The following LMX1A variants were observed in gnomAD, a reference collection of about 807,000 sequenced individuals.
LMX1A encodes the protein LIM homeobox transcription factor 1-alpha.
LMX1A carries 15 observed loss-of-function variants against 49.1 expected under a neutral mutation model. That is an observed-to-expected ratio of 0.31 (90% CI 0.20 to 0.47). The LOEUF (loss-of-function observed/expected upper bound fraction) is 0.47. LMX1A is among the 20% of genes least tolerant of loss of function. The pLI, the probability that LMX1A is intolerant of heterozygous loss-of-function variation, is 1.00. For missense variants in LMX1A, 372 were observed against 475.8 expected, an observed-to-expected ratio of 0.78 and a Z score of 2.03; for synonymous variants, 167 against 185.7, an observed-to-expected ratio of 0.90 and a Z score of 0.82.
chr1:165,255,282 C>T (rs1653196899), intron 3 of LMX1A, among the ~76,000 whole-genome samples: 1 of 152,232 alleles, frequency 6.6e-6, no homozygotes, highest in African/African-American at 2.4e-5. Flanking sequence ...TCTTCTTTCT[C>T]CCTGCACCTC....
intron 4 of LMX1A, among the ~76,000 whole-genome samples, chr1:165,248,850 C>T (rs1300904815): frequency 6.6e-6 from 1 of 152,172 alleles, no homozygotes; most frequent in Non-Finnish European, 1.5e-5. Context: ...TATTTCTCCT[C>T]CTCTTGACTT....
At chr1:165,204,757 C>A (rs1269405993) in intron 8 of LMX1A, among the ~76,000 whole-genome samples, 1 of 152,182 alleles carries the variant, frequency 6.6e-6, no homozygotes, top group Non-Finnish European at 1.5e-5. Context: ...CTTCATGTAA[C>A]ACAATCCCTG....
chr1:165,278,631 G>T (rs1388052433), intron 3 of LMX1A, among the ~76,000 whole-genome samples: 1 of 152,044 alleles, frequency 6.6e-6, no homozygotes, highest in Non-Finnish European at 1.5e-5. Flanking sequence ...TAAACCCCGG[G>T]GACAGCCCAC....
chr1:165,244,419 C>T (rs79780271), intron 4 of LMX1A, among the ~76,000 whole-genome samples: 3,252 of 152,040 alleles, frequency 0.021, 120 homozygotes, highest in African/African-American at 0.074. Flanking sequence ...GCCTCTTAAG[C>T]GGGGTGGGGT....
intron 5 of LMX1A, among the ~76,000 whole-genome samples, chr1:165,212,048 AT>A (rs1372158385): frequency 1.3e-5 from 2 of 152,206 alleles, no homozygotes; most frequent in Non-Finnish European, 2.9e-5. Flanking sequence ...TGCAAGCCCA[AT>A]TTGGGGGCAT....
chr1:165,354,515 C>A (rs963830284), intron 2 of LMX1A, among the ~76,000 whole-genome samples: 1 of 152,076 alleles, frequency 6.6e-6, no homozygotes, highest in Admixed American at 6.5e-5. Context: ...CGAGGCTGGG[C>A]AAGTCCAAAA....
In LMX1A at chr1:165,334,582, A is replaced by G. The variant is rs534114068; in HGVS notation, c.263+18494T>C. ...TCTGACTCTCACATACCCTGCCACT[A>G]TTTCAAAACTAAACATACATAATCA... On this transcript the variant is annotated intron_variant, in intron 3 of 8. Coordinates refer to ENST00000342310, the MANE Select transcript of LMX1A (RefSeq NM_177398.4). Among the ~76,000 whole-genome samples the G allele has an allele frequency of 1.8e-4, 27 of 152,320 alleles. No homozygotes were observed. In the South Asian group the frequency reaches 4.8e-3, roughly 27 times the overall value.
At chr1:165,255,959 C>T (rs1029252402) in intron 3 of LMX1A, among the ~76,000 whole-genome samples, 6 of 151,272 alleles carry the variant, frequency 4.0e-5, no homozygotes, top group East Asian at 3.9e-4. Flanking sequence ...GCAACAAGAG[C>T]GAAACTCCGT....
At chr1:165,326,588 T>C (rs1253525919) in intron 3 of LMX1A, among the ~76,000 whole-genome samples, 1 of 152,212 alleles carries the variant, frequency 6.6e-6, no homozygotes, top group Admixed American at 6.5e-5. Flanking sequence ...CAAAGTCAAG[T>C]GTGCCTGGGC....
intron 4 of LMX1A, among the ~76,000 whole-genome samples, chr1:165,215,413 C>T (rs1249013279): frequency 1.3e-5 from 2 of 152,186 alleles, no homozygotes; most frequent in East Asian, 1.9e-4. Flanking sequence ...AGCTCAACTG[C>T]CCTCTTTTCT....
chr1:165,349,806 GA>G (rs944251261), intron 3 of LMX1A, among the ~76,000 whole-genome samples: 3 of 152,130 alleles, frequency 2.0e-5, no homozygotes, highest in African/African-American at 7.2e-5. Flanking sequence ...CTAGTTGAGA[GA>G]ATGAAATTTT....
At chr1:165,271,615 G>A (rs1463263032) in intron 3 of LMX1A, among the ~76,000 whole-genome samples, 1 of 152,138 alleles carries the variant, frequency 6.6e-6, no homozygotes, top group African/African-American at 2.4e-5. Context: ...TGGACCAAGA[G>A]CACAGGTCTT....
At chr1:165,313,471 C>CTTTTTTT (rs34912339) in intron 3 of LMX1A, among the ~76,000 whole-genome samples, 669 of 114,100 alleles carry the variant, frequency 5.9e-3, no homozygotes, top group Non-Finnish European at 8.7e-3. Flanking sequence ...CACCTTCTTC[C>CTTTTTTT]TTTTTTTTTT....
intron 3 of LMX1A, among the ~76,000 whole-genome samples, chr1:165,329,170 C>T (rs974091646): frequency 3.3e-5 from 5 of 152,090 alleles, no homozygotes; most frequent in South Asian, 2.1e-4. Flanking sequence ...AGAAAGAGAG[C>T]GTATGTAACA....
intron 3 of LMX1A, among the ~76,000 whole-genome samples, chr1:165,349,447 T>C (rs1375424945): frequency 6.6e-6 from 1 of 152,244 alleles, no homozygotes; most frequent in Non-Finnish European, 1.5e-5. Context: ...CATCTACACC[T>C]ATGGTATCCT....
intron 4 of LMX1A, among the ~76,000 whole-genome samples, chr1:165,217,630 C>A (rs1048917029): frequency 2.0e-5 from 3 of 152,216 alleles, no homozygotes; most frequent in Non-Finnish European, 2.9e-5. Context: ...GCTGGTCCTG[C>A]CTAACCTGGC....
At chr1:165,238,832 G>GT (rs1652540902) in intron 4 of LMX1A, among the ~76,000 whole-genome samples, 1 of 152,170 alleles carries the variant, frequency 6.6e-6, no homozygotes, top group South Asian at 2.1e-4. Flanking sequence ...AATGATGCAG[G>GT]TGCTGGAGCT....
At chr1:165,298,819 A>C (rs1463837154) in intron 3 of LMX1A, among the ~76,000 whole-genome samples, 1 of 152,262 alleles carries the variant, frequency 6.6e-6, no homozygotes, top group Non-Finnish European at 1.5e-5. Flanking sequence ...TAGTGAGTGA[A>C]AGACTGCAGA....
chr1:165,270,702 AT>A (rs1327675411), intron 3 of LMX1A, among the ~76,000 whole-genome samples: 1 of 152,086 alleles, frequency 6.6e-6, no homozygotes, highest in Non-Finnish European at 1.5e-5. Context: ...TTCAGTCTCT[AT>A]TTTATAGGAA....
Sources: allele counts gnomAD v4.1 joint callset (sites outside exome capture counted in the v4.1 genomes callset), GRCh38; gene constraint gnomAD v4.1.1; transcripts MANE v1.5; gene names NCBI Gene and HGNC (gene_info 2026-07-23, HGNC 2026-07-21).